PAX2: variants seen among roughly 807,000 people sequenced by gnomAD.
PAX2 encodes paired box protein Pax-2.
Under a neutral mutation model 41.7 loss-of-function variants are expected in PAX2, and 9 were observed. The ratio of observed to expected loss-of-function variants is 0.22; its 90% CI spans 0.13 to 0.38. The LOEUF is 0.38. Among genes scored for constraint, PAX2 ranks in the 10% least tolerant of loss-of-function variants. The probability of loss-of-function intolerance (pLI) is 1.00; values close to 1 mark genes in which losing one functional copy is unlikely to be tolerated. For missense variants in PAX2, 418 were observed against 531.6 expected (o/e 0.79, Z 2.10); for synonymous variants, 221 against 212.7 (o/e 1.04, Z -0.34).
chr10:100,819,414 A>T (rs555627637), intron 7 of PAX2, among the ~76,000 whole-genome samples: 2 of 152,110 alleles, frequency 1.3e-5, no homozygotes, highest in East Asian at 3.9e-4. Flanking sequence ...ACTAAAAAAT[A>T]TAAAAATTAG....
intron 7 of PAX2, among the ~76,000 whole-genome samples, chr10:100,813,842 C>A (rs1356475430): frequency 6.6e-6 from 1 of 152,082 alleles, no homozygotes; most frequent in Non-Finnish European, 1.5e-5. Flanking sequence ...ATTCTAAAAT[C>A]CAGGGCACAT....
upstream of PAX2, among the ~76,000 whole-genome samples, chr10:100,744,199 C>T (rs1845062329): frequency 1.3e-5 from 2 of 152,350 alleles, no homozygotes; most frequent in South Asian, 4.1e-4. Context: ...GAGTCCGCCG[C>T]GCTTCCGCGG....
rs1369295948 is a variant in PAX2, at chr10:100,745,961, T to A, written c.-300T>A. 1.2e-5 allele frequency: 16 copies of A among 1,290,294 alleles called. No homozygotes were observed. Among genetic ancestry groups the A allele is most frequent in the Non-Finnish European group, 1.6e-5 (16 of 1,020,044 alleles). 79.9% of individuals were successfully genotyped at this position (1,290,294 alleles called of 1,614,324 possible). On this transcript the variant is annotated 5_prime_UTR_variant, in exon 1 of 10. It removes an upstream start codon present in the reference 5' UTR. Coordinates refer to ENST00000355243, the MANE Select transcript of PAX2 (RefSeq NM_000278.5). ...CTGGCTGCAGCTGCAGCGCGAGCCA[T>A]GCGCCCCCAGTGCACCCCGGCCCGG... is the stretch of plus-strand genomic sequence containing the variant.
intron 5 of PAX2, among the ~76,000 whole-genome samples, chr10:100,803,628 TCTC>T (rs544594789): frequency 3.4e-4 from 51 of 152,174 alleles, no homozygotes; most frequent in Non-Finnish European, 6.5e-4. Context: ...CTGCCTTCCT[TCTC>T]CTACAGGAGT....
intron 5 of PAX2, among the ~76,000 whole-genome samples, chr10:100,782,148 C>T (rs1299346830): frequency 6.6e-6 from 1 of 152,290 alleles, no homozygotes; most frequent in Non-Finnish European, 1.5e-5. Flanking sequence ...AACAGAGACA[C>T]CAGTGTCTCC....
At chr10:100,744,258 G>A (rs1325439050), upstream of PAX2, among the ~76,000 whole-genome samples, 2 of 152,252 alleles carry the variant, frequency 1.3e-5, no homozygotes, top group Admixed American at 1.3e-4. Context: ...GATTCGGGCT[G>A]CAAGAGCGCT....
At chr10:100,804,719 A>T (rs1008161173) in intron 5 of PAX2, among the ~76,000 whole-genome samples, 1 of 152,212 alleles carries the variant, frequency 6.6e-6, no homozygotes, top group Non-Finnish European at 1.5e-5. Context: ...GGACGTTTAT[A>T]TATGTACAAG....
chr10:100,751,115 C>G (rs915671307), intron 3 of PAX2, among the ~76,000 whole-genome samples: 6 of 152,210 alleles, frequency 3.9e-5, no homozygotes, highest in African/African-American at 1.4e-4. Context: ...CCAGGCTTCT[C>G]CCGCCGGCGT....
intron 5 of PAX2, among the ~76,000 whole-genome samples, chr10:100,784,220 A>C (rs992355704): frequency 5.9e-5 from 9 of 152,258 alleles, no homozygotes; most frequent in African/African-American, 1.9e-4. Flanking sequence ...CAGTCAGGCC[A>C]AGGTAGCAAA....
chr10:100,738,324 C>T (rs1844840624), intron 1 of PAX2, among the ~76,000 whole-genome samples: 1 of 152,226 alleles, frequency 6.6e-6, no homozygotes, highest in African/African-American at 2.4e-5. Flanking sequence ...ATTGGCGGCC[C>T]CGCTGGAAGA....
chr10:100,807,497 C>G (rs1318868205), intron 6 of PAX2, among the ~76,000 whole-genome samples: 1 of 151,804 alleles, frequency 6.6e-6, no homozygotes, highest in Non-Finnish European at 1.5e-5. Flanking sequence ...CACCTGCTCC[C>G]CCGACCACAG....
At chr10:100,760,453 A>G (rs1165777468) in intron 3 of PAX2, among the ~76,000 whole-genome samples, 1 of 152,204 alleles carries the variant, frequency 6.6e-6, no homozygotes, top group Non-Finnish European at 1.5e-5. Flanking sequence ...GTCCCGACAC[A>G]TCTAGTCTGT....
chr10:100,754,293 C>T (rs1554856556), intron 3 of PAX2, among the ~76,000 whole-genome samples: 1 of 152,220 alleles, frequency 6.6e-6, no homozygotes, highest in Non-Finnish European at 1.5e-5. Flanking sequence ...GCACAGACCC[C>T]AAATAGAGTC....
rs1848605722 is a variant in PAX2, at chr10:100,827,242, C to T, written c.1108+147C>T. On this transcript the variant is annotated intron_variant, in intron 9 of 9. Transcript: ENST00000355243. This position sits in a 1 kb window ranked among gnomAD's most constrained non-coding sequence, Gnocchi z 8.5. ...GCAGCACTGAGGCCCGGGGACCCCTCGAGGACGCCCGCACCTCCTGCCCTC... is the reference window on the plus strand; with the variant it reads ...GCAGCACTGAGGCCCGGGGACCCCTTGAGGACGCCCGCACCTCCTGCCCTC... The T allele has an allele frequency of 2.8e-6, 2 of 721,730 alleles. No individual in the cohort carries two copies. Among genetic ancestry groups the T allele is most frequent in the Non-Finnish European group, 4.9e-6 (2 of 412,074 alleles). 44.7% of individuals were successfully genotyped at this position (721,730 alleles called of 1,614,324 possible).
Position 100,815,625 on chromosome 10 carries a change from C to T in PAX2, c.919+6389C>T, listed in dbSNP as rs79372193. On this transcript the variant is annotated intron_variant, in intron 7 of 9. Transcript: ENST00000355243. ...TAGCAATGAGACATTGACAGATATGCGGCTGCTCTCGGCCTGCAGCCTAGG... is the reference window on the plus strand; with the variant it reads ...TAGCAATGAGACATTGACAGATATGTGGCTGCTCTCGGCCTGCAGCCTAGG... Among the ~76,000 whole-genome samples, 974 of 152,272 alleles carry T rather than the reference C, an allele frequency of 6.4e-3. 14 individuals carry two copies. The highest frequency in any genetic ancestry group is 0.022 in the African/African-American group (923 of 41,542).
chr10:100,749,507 C>G, intron 1 of PAX2: 1 of 1,340,316 alleles, frequency 7.5e-7, no homozygotes, highest in Non-Finnish European at 9.5e-7. Flanking sequence ...TGCTTTCTAC[C>G]TTGCGTCGCA....
chr10:100,739,039 A>G (rs997478203), intron 1 of PAX2, among the ~76,000 whole-genome samples: 1 of 150,206 alleles, frequency 6.7e-6, no homozygotes, highest in African/African-American at 2.5e-5. Context: ...ACACACACAC[A>G]CACACACACA....
At chr10:100,790,751 C>T (rs1026401219) in intron 5 of PAX2, among the ~76,000 whole-genome samples, 24 of 152,186 alleles carry the variant, frequency 1.6e-4, no homozygotes, top group Admixed American at 1.5e-3. Context: ...TTGCTGCCCG[C>T]CCTGGAGCCC....
intron 3 of PAX2, among the ~76,000 whole-genome samples, chr10:100,763,006 T>G (rs1465319124): frequency 6.6e-6 from 1 of 152,132 alleles, no homozygotes; most frequent in Non-Finnish European, 1.5e-5. Flanking sequence ...TTTTTAAAGG[T>G]CTTTAAACAC....
Sources: gnomAD v4.1 joint callset for allele counts (sites outside exome capture counted in the v4.1 genomes callset) on GRCh38, gnomAD v4.1.1 for gene constraint, Gnocchi (gnomAD v3.1) non-coding constraint, MANE v1.5 for transcripts, NCBI Gene and HGNC (gene_info 2026-07-23, HGNC 2026-07-21) for gene names.